The following SLC71A2 variants were observed in gnomAD, a reference collection of about 807,000 sequenced individuals.
SLC71A2 encodes solute carrier family 71 member 2.
At chr9:94,405,352 G>A in the SLC71A2 span, among the ~76,000 whole-genome samples, 323 of 152,082 alleles carry the variant, frequency 2.1e-3, no homozygotes, top group African/African-American at 6.5e-3. Context: ...AAAATTAGCC[G>A]GGCATGGTGG....
the SLC71A2 span, chr9:94,429,054 T>A: frequency 7.5e-7 from 1 of 1,338,312 alleles, no homozygotes; most frequent in Non-Finnish European, 1.0e-6. Context: ...TGTTTGTTTA[T>A]TTTTTTGAAT....
the SLC71A2 span, among the ~76,000 whole-genome samples, chr9:94,449,061 A>C: frequency 5.9e-5 from 9 of 152,242 alleles, no homozygotes; most frequent in African/African-American, 2.2e-4. Flanking sequence ...TTACATATGC[A>C]TTTAACACAG....
At chr9:94,450,493 C>CTTTTTTTTTT in the SLC71A2 span, among the ~76,000 whole-genome samples, 1,920 of 101,774 alleles carry the variant, frequency 0.019, 337 homozygotes, top group African/African-American at 0.078. Flanking sequence ...AATAATGTAA[C>CTTTTTTTTTT]TTTTTTTTTT....
the SLC71A2 span, chr9:94,459,703 C>T: frequency 9.1e-6 from 3 of 328,256 alleles, no homozygotes; most frequent in Non-Finnish European, 1.7e-5. Context: ...AGTCATCTCT[C>T]TGGTAGAAAG....
the SLC71A2 span, among the ~76,000 whole-genome samples, chr9:94,431,284 GCCTGGGCGACGGAGCGAGACT>G: frequency 6.6e-6 from 1 of 151,022 alleles, no homozygotes; most frequent in African/African-American, 2.4e-5. Flanking sequence ...CTGCACTCCA[GCCTGGGCGACGGAGCGAGACT>G]CCGTCTCAAA....
the SLC71A2 span, among the ~76,000 whole-genome samples, chr9:94,383,870 C>T: frequency 2.6e-5 from 4 of 151,344 alleles, no homozygotes; most frequent in African/African-American, 9.7e-5. Context: ...CAGATTATTC[C>T]GTTTCATATT....
chr9:94,422,399 A>G, the SLC71A2 span, among the ~76,000 whole-genome samples: 25 of 152,352 alleles, frequency 1.6e-4, no homozygotes, highest in East Asian at 4.2e-3. Flanking sequence ...CCTGGAGTCT[A>G]TTGACACAAA....
the SLC71A2 span, among the ~76,000 whole-genome samples, chr9:94,424,056 A>G: frequency 6.6e-6 from 1 of 152,192 alleles, no homozygotes; most frequent in Admixed American, 6.5e-5. Flanking sequence ...AAGAATATAT[A>G]GTTGAACCAG....
the SLC71A2 span, among the ~76,000 whole-genome samples, chr9:94,395,675 C>T: frequency 6.6e-6 from 1 of 152,144 alleles, no homozygotes; most frequent in Non-Finnish European, 1.5e-5. Flanking sequence ...AGTGAAAAAC[C>T]GTTCACAAGC....
chr9:94,429,299 C>T, the SLC71A2 span: 5 of 1,531,638 alleles, frequency 3.3e-6, no homozygotes, highest in African/African-American at 1.4e-5. Flanking sequence ...AGTCAGGAAT[C>T]CTTGGTAGTT....
the SLC71A2 span, among the ~76,000 whole-genome samples, chr9:94,398,309 A>T: frequency 1.3e-5 from 2 of 150,744 alleles, no homozygotes; most frequent in Non-Finnish European, 2.9e-5. Flanking sequence ...ATGCAGATGA[A>T]CTGGGGAGGA....
the SLC71A2 span, among the ~76,000 whole-genome samples, chr9:94,401,421 C>G: frequency 2.3e-4 from 35 of 152,036 alleles, no homozygotes; most frequent in Non-Finnish European, 4.3e-4. Flanking sequence ...TGATCAAGAC[C>G]TGGGCCTCCC....
At chr9:94,434,810 T>C in the SLC71A2 span, among the ~76,000 whole-genome samples, 1 of 152,204 alleles carries the variant, frequency 6.6e-6, no homozygotes, top group Non-Finnish European at 1.5e-5. Flanking sequence ...CATAGGTAAG[T>C]AAATTGAGAG....
chr9:94,391,362 TAAA>T, the SLC71A2 span, among the ~76,000 whole-genome samples: 7 of 130,366 alleles, frequency 5.4e-5, no homozygotes, highest in Non-Finnish European at 1.2e-4. Flanking sequence ...GACTCTGTCT[TAAA>T]AAAAAAAAAA....
the SLC71A2 span, among the ~76,000 whole-genome samples, chr9:94,418,447 CT>C: frequency 3.9e-5 from 6 of 152,060 alleles, no homozygotes; most frequent in Non-Finnish European, 4.4e-5. Flanking sequence ...GATTCACATA[CT>C]TTGTTTTTTT....
chr9:94,445,283 C>T, the SLC71A2 span: 3 of 948,632 alleles, frequency 3.2e-6, no homozygotes, highest in Non-Finnish European at 3.1e-6. Flanking sequence ...CAGTTGTTGA[C>T]TTATTTCTTT....
chr9:94,375,643 G>A, the SLC71A2 span, among the ~76,000 whole-genome samples: 1 of 151,940 alleles, frequency 6.6e-6, no homozygotes, highest in Non-Finnish European at 1.5e-5. Context: ...TTGGTCTTAG[G>A]ACCTGAAATA....
chr9:94,381,983 G>A, the SLC71A2 span, among the ~76,000 whole-genome samples: 1 of 151,156 alleles, frequency 6.6e-6, no homozygotes, highest in Admixed American at 6.6e-5. Context: ...CTTTTAATTT[G>A]TGCTTCCCTA....
chr9:94,379,843 A>G, the SLC71A2 span, among the ~76,000 whole-genome samples: 414 of 152,368 alleles, frequency 2.7e-3, 1 homozygote, highest in African/African-American at 9.2e-3. Flanking sequence ...AAAGTATTCA[A>G]TGGTAATGGT....
Sources: allele counts gnomAD v4.1 joint callset (sites outside exome capture counted in the v4.1 genomes callset), GRCh38; gene constraint gnomAD v4.1.1; transcripts MANE v1.5; gene names NCBI Gene and HGNC (gene_info 2026-07-23, HGNC 2026-07-21).